PLD1: variants seen among roughly 807,000 people sequenced by gnomAD.
PLD1 encodes the protein choline phosphatase 1.
In PLD1, 112 loss-of-function variants were observed where a neutral mutation model predicts 137.1. The observed-to-expected ratio is 0.82, with a 90% CI of 0.70 to 0.96. The LOEUF (loss-of-function observed/expected upper bound fraction) is 0.96, where lower values mean the gene tolerates loss of function less well. Ranked by LOEUF, PLD1 falls within the 40% of genes least tolerant of loss-of-function variation. The probability of loss-of-function intolerance (pLI) is 0.00; values close to 1 mark genes in which losing one functional copy is unlikely to be tolerated. For synonymous variants in PLD1, 431 were observed against 454.7 expected, an observed-to-expected ratio of 0.95 and a Z score of 0.66; for missense variants, 1,321 against 1,342.0, an observed-to-expected ratio of 0.98 and a Z score of 0.24.
intron 23 of PLD1, among the ~76,000 whole-genome samples, chr3:171,637,482 C>T (rs902301092): frequency 6.6e-6 from 1 of 152,132 alleles, no homozygotes; most frequent in Non-Finnish European, 1.5e-5. Flanking sequence ...ATCCACCTGC[C>T]TCAGCCTCCC....
chr3:171,781,457 G>GA (rs1722793053), intron 1 of PLD1, among the ~76,000 whole-genome samples: 1 of 151,798 alleles, frequency 6.6e-6, no homozygotes, highest in Non-Finnish European at 1.5e-5. Flanking sequence ...AGTCATCATT[G>GA]AAAAAATAAA....
chr3:171,627,636 A>C (rs562395028), intron 23 of PLD1, among the ~76,000 whole-genome samples: 46 of 152,312 alleles, frequency 3.0e-4, no homozygotes, highest in Non-Finnish European at 6.3e-4. Context: ...CAAATGTAAA[A>C]GATAAGAAAT....
At chr3:171,643,104 T>C (rs919155494) in intron 22 of PLD1, 5 of 394,120 alleles carry the variant, frequency 1.3e-5, no homozygotes, top group Non-Finnish European at 2.2e-5. Context: ...GGTAGGTAAA[T>C]GGAAAAGTTA....
At chr3:171,749,246 G>A (rs1405931570) in intron 1 of PLD1, among the ~76,000 whole-genome samples, 4 of 152,090 alleles carry the variant, frequency 2.6e-5, no homozygotes, top group Non-Finnish European at 5.9e-5. Context: ...GGGCCCAAAG[G>A]GTTCTGGATC....
Position 171,737,621 on chromosome 3 carries a change from A to C in PLD1, c.199T>G (p.Phe67Val). 1 of 1,595,590 alleles carries C rather than the reference A, an allele frequency of 6.3e-7. No individual in the cohort carries two copies. The highest frequency in any genetic ancestry group is 8.6e-7 in the Non-Finnish European group (1 of 1,164,478). The part of the protein sequence containing the change: ...PFSAIYNTQG[F>V]KEPNIQTYLS... ...TACGTCTGTATATTAGGCTCCTTAA[A>C]TCCTTGAGTGTTATAAATAGCAGAG... The change falls in exon 3 of 27, where the codon TTT becomes GTT. Residue 67 changes from phenylalanine (F) to valine (V), a missense_variant. Phe to Val is a conservative substitution (Grantham distance 50, BLOSUM62 -1). Transcript: ENST00000351298.
chr3:171,639,635 A>G (rs1308480182), intron 23 of PLD1, among the ~76,000 whole-genome samples: 2 of 113,328 alleles, frequency 1.8e-5, no homozygotes, highest in African/African-American at 3.6e-5. Context: ...TATTCTATAT[A>G]ATATATATTA....
intron 5 of PLD1, among the ~76,000 whole-genome samples, chr3:171,734,310 A>G (rs1202348393): frequency 6.6e-6 from 1 of 152,168 alleles, no homozygotes; most frequent in Non-Finnish European, 1.5e-5. Context: ...ACACTTGTTC[A>G]TTTTCTAGTA....
chr3:171,657,904 T>C (rs1018832512), intron 21 of PLD1, among the ~76,000 whole-genome samples: 4 of 152,132 alleles, frequency 2.6e-5, no homozygotes, highest in Non-Finnish European at 5.9e-5. Context: ...CTAGGAATCA[T>C]ATATCTGATA....
At chr3:171,625,687 G>C (rs987178927) in intron 23 of PLD1, among the ~76,000 whole-genome samples, 2 of 152,104 alleles carry the variant, frequency 1.3e-5, no homozygotes, top group African/African-American at 4.8e-5. Flanking sequence ...CAGTATTCGC[G>C]GTTCACAAAA....
At chr3:171,743,090 AC>A (rs1719897644) in intron 1 of PLD1, among the ~76,000 whole-genome samples, 1 of 152,178 alleles carries the variant, frequency 6.6e-6, no homozygotes, top group Admixed American at 6.5e-5. Flanking sequence ...CTGGGCAACT[AC>A]CAGCCCCAGG....
chr3:171,712,890 T>G (rs1348110123), intron 9 of PLD1, among the ~76,000 whole-genome samples: 1 of 152,168 alleles, frequency 6.6e-6, no homozygotes, highest in Non-Finnish European at 1.5e-5. Context: ...TCATAGAATA[T>G]CATCAGGAAG....
chr3:171,626,777 A>AGGGCAGCCAGAGAG (rs1320669339), intron 23 of PLD1, among the ~76,000 whole-genome samples: 59 of 151,362 alleles, frequency 3.9e-4, no homozygotes, highest in African/African-American at 1.4e-3. Flanking sequence ...AGGAAAAATA[A>AGGGCAGCCAGAGAG]AATACTTTAC....
At position 171,602,939 on chromosome 3, in the gene PLD1, C is replaced by T; in HGVS notation, c.*139G>A. ...TCCTTACATCAATGTGACTGCAGCC[C>T]TCCCCAGTCATTCCAAAAGGTCCTT... On this transcript the variant is annotated 3_prime_UTR_variant, in exon 27 of 27. Transcript: ENST00000351298. 2 of 630,446 alleles carry T rather than the reference C, an allele frequency of 3.2e-6. No homozygotes were observed. The highest frequency in any genetic ancestry group is 2.7e-5 in the East Asian group (1 of 37,126). The allele number at this position is 630,446 out of a possible 1,614,324, so 39.1% of individuals were successfully genotyped here. A position where few individuals can be genotyped will look rare whatever the true frequency, so the allele number is the denominator to read the frequency against.
In PLD1 at chr3:171,799,374, A is replaced by AG. The variant is rs1431110376; in HGVS notation, c.-32+11024_-32+11025insC. The stretch of plus-strand genomic sequence containing the variant: ...AAAAAAAAAAAAAAGAGGAAAAAAA[A>AG]AAAAGAAGGACTTGCCTGCAACTAA... On this transcript the variant is annotated intron_variant, in intron 1 of 26. Coordinates refer to ENST00000351298, the MANE Select transcript of PLD1 (RefSeq NM_002662.5). Among the ~76,000 whole-genome samples, 266 of 151,820 alleles carry AG rather than the reference A, an allele frequency of 1.8e-3. 1 individual carries two copies. Among genetic ancestry groups the AG allele is most frequent in the Middle Eastern group, 0.01 (3 of 294 alleles).
At chr3:171,620,009 A>G (rs1432473196) in intron 24 of PLD1, among the ~76,000 whole-genome samples, 1 of 152,198 alleles carries the variant, frequency 6.6e-6, no homozygotes, top group East Asian at 1.9e-4. Context: ...GGATTCTGCA[A>G]TTTTCACGAA....
At chr3:171,774,151 C>G (rs562559384) in intron 1 of PLD1, among the ~76,000 whole-genome samples, 1 of 152,288 alleles carries the variant, frequency 6.6e-6, no homozygotes, top group South Asian at 2.1e-4. Flanking sequence ...GAACCCAGGT[C>G]GGTGCTCCTA....
At chr3:171,798,226 T>G (rs959848891) in intron 1 of PLD1, among the ~76,000 whole-genome samples, 1 of 152,210 alleles carries the variant, frequency 6.6e-6, no homozygotes, top group Non-Finnish European at 1.5e-5. Flanking sequence ...TACAATCACT[T>G]ACACATTCTC....
At position 171,636,323 on chromosome 3, in the gene PLD1, G is replaced by A. The variant is rs1283996640; in HGVS notation, c.2593+6517C>T. Among the ~76,000 whole-genome samples, 3 of 152,070 alleles carry A rather than the reference G, an allele frequency of 2.0e-5. No homozygotes were observed. The East Asian group carries it at 5.8e-4, about 29-fold the overall frequency. Reference sequence around the variant, plus strand: ...TCAATTTTTTCAAAAAGGTAGTTGGGGTTTTGGTAGGGATTGTGTTGAATG... The same window carrying A: ...TCAATTTTTTCAAAAAGGTAGTTGGAGTTTTGGTAGGGATTGTGTTGAATG... On this transcript the variant is annotated intron_variant, in intron 23 of 26. Transcript: ENST00000351298.
chr3:171,641,072 T>C lies in PLD1; in HGVS notation c.2593+1768A>G, dbSNP rs577802232. On this transcript the variant is annotated intron_variant, in intron 23 of 26. Transcript: ENST00000351298. ...GGTCAAATAATGACAATGTGAGAACTGTGGGACATGGGAGCCTTAACCCTG... is the reference window on the plus strand; with the variant it reads ...GGTCAAATAATGACAATGTGAGAACCGTGGGACATGGGAGCCTTAACCCTG... Among the ~76,000 whole-genome samples, 491 of 152,314 alleles carry C rather than the reference T, an allele frequency of 3.2e-3. 3 individuals are homozygous for C. Among genetic ancestry groups the C allele is most frequent in the African/African-American group, 0.011 (472 of 41,570 alleles).
Sources: gnomAD v4.1 joint callset for allele counts (sites outside exome capture counted in the v4.1 genomes callset) on GRCh38, gnomAD v4.1.1 for gene constraint, MANE v1.5 for transcripts, NCBI Gene and HGNC (gene_info 2026-07-23, HGNC 2026-07-21) for gene names.